Variants in ALLC observed in about 807,000 individuals in gnomAD.
ALLC encodes allantoicase, also known as probable inactive allantoicase.
In ALLC, 40 loss-of-function variants were observed where a neutral mutation model predicts 45.0. That is an observed-to-expected ratio of 0.89 (90% CI 0.69 to 1.16). The LOEUF (loss-of-function observed/expected upper bound fraction) is 1.16. Among genes scored for constraint, ALLC ranks in the 50% most tolerant of loss-of-function variants. ALLC has a pLI of 0.00. For missense variants in ALLC, 488 were observed against 493.1 expected (o/e 0.99, Z 0.10); for synonymous variants, 176 against 178.1 (o/e 0.99, Z 0.09).
the ALLC span, among the ~76,000 whole-genome samples, chr2:3,652,876 C>A: frequency 6.6e-6 from 1 of 152,164 alleles, no homozygotes; most frequent in African/African-American, 2.4e-5. Context: ...GCCACCACGC[C>A]TGGCCAAAAC....
At chr2:3,646,624 C>T in the ALLC span, among the ~76,000 whole-genome samples, 71 of 152,314 alleles carry the variant, frequency 4.7e-4, no homozygotes, top group East Asian at 0.011. Context: ...GCCTCGCCTG[C>T]TGGAAGGGAG....
the ALLC span, among the ~76,000 whole-genome samples, chr2:3,650,824 A>G: frequency 6.6e-6 from 1 of 152,310 alleles, no homozygotes; most frequent in East Asian, 1.9e-4. Flanking sequence ...GGCACAGTGA[A>G]GGCGCACGGG....
At chr2:3,668,765 G>A (rs1050684244) in intron 1 of ALLC, among the ~76,000 whole-genome samples, 6 of 150,702 alleles carry the variant, frequency 4.0e-5, no homozygotes, top group Non-Finnish European at 7.4e-5. Flanking sequence ...TAGTAGAGAC[G>A]GGGTTTCTCT....
chr2:3,677,925 T>G (rs1372582196), intron 3 of ALLC, among the ~76,000 whole-genome samples: 2 of 152,222 alleles, frequency 1.3e-5, no homozygotes, highest in Non-Finnish European at 2.9e-5. Context: ...CGAGGATGCG[T>G]GTATCCTCCT....
At chr2:3,674,960 A>G (rs1320060280) in intron 3 of ALLC, among the ~76,000 whole-genome samples, 2 of 152,198 alleles carry the variant, frequency 1.3e-5, no homozygotes, top group Non-Finnish European at 2.9e-5. Context: ...CATCGTTTGC[A>G]CAAGTGGGCA....
intron 1 of ALLC, among the ~76,000 whole-genome samples, chr2:3,669,473 CAAAA>C (rs34182509): frequency 2.0e-5 from 3 of 151,076 alleles, no homozygotes; most frequent in Admixed American, 6.6e-5. Flanking sequence ...GACTCCGTCT[CAAAA>C]AAAACCCTCC....
intron 1 of ALLC, among the ~76,000 whole-genome samples, chr2:3,659,144 T>A (rs1356861358): frequency 1.3e-5 from 2 of 152,172 alleles, no homozygotes; most frequent in Non-Finnish European, 2.9e-5. Context: ...TTGACAGCGA[T>A]GACAAAGCCC....
intron 1 of ALLC, among the ~76,000 whole-genome samples, chr2:3,665,578 C>T (rs985953585): frequency 1.1e-4 from 17 of 152,154 alleles, no homozygotes; most frequent in African/African-American, 3.1e-4. Flanking sequence ...GTTTTCTCTT[C>T]CTGCGTTAGT....
rs1667531414 is a variant in ALLC at position 3,692,061 on chromosome 2, T to A, written c.512-3656T>A. Reference sequence around the variant, plus strand: ...GTTTCCTTAAAACTGCTATTTTGAATTATTGATCACAGAGTTCATATATCA... The same window carrying A: ...GTTTCCTTAAAACTGCTATTTTGAAATATTGATCACAGAGTTCATATATCA... On this transcript the variant is annotated intron_variant, in intron 7 of 11. Transcript: ENST00000252505. 1.3e-5 allele frequency among the ~76,000 whole-genome samples: 2 copies of A among 152,244 alleles called. 1 individual carries two copies. Among genetic ancestry groups the A allele is most frequent in the African/African-American group, 4.8e-5 (2 of 41,460 alleles).
Position 3,672,565 on chromosome 2 carries a change from G to A in ALLC, c.33+1375G>A, listed in dbSNP as rs376542747. ...GGAGGTCCTCTGGTTCTGGTTAGAT[G>A]GGAGGTCCCCTGGCTCTGGTTAGAT... is the stretch of plus-strand genomic sequence containing the variant. On this transcript the variant is annotated intron_variant, in intron 2 of 11. Coordinates refer to ENST00000252505, the MANE Select transcript of ALLC (RefSeq NM_018436.4). Among the ~76,000 whole-genome samples the A allele has an allele frequency of 6.8e-3, 598 of 88,142 alleles. 6 individuals carry two copies. Among genetic ancestry groups the A allele is most frequent in the East Asian group, 0.011 (30 of 2,638 alleles). The allele number at this position is 88,142 out of a possible 152,430, so 57.8% of individuals were successfully genotyped here.
intron 6 of ALLC, 87 bp from the exon 7 acceptor site, chr2:3,682,855 C>CAGATTTTGGATTTGGGA: frequency 7.1e-7 from 1 of 1,411,640 alleles, no homozygotes; most frequent in Non-Finnish European, 9.8e-7. Context: ...CAAAGTATCT[C>CAGATTTTGGATTTGGGA]CACACCTTAA....
At chr2:3,647,175 G>C in the ALLC span, among the ~76,000 whole-genome samples, 11 of 152,278 alleles carry the variant, frequency 7.2e-5, no homozygotes, top group South Asian at 2.3e-3. Flanking sequence ...CAGGGACCAT[G>C]TGAATGTAAT....
intron 1 of ALLC, among the ~76,000 whole-genome samples, chr2:3,665,805 T>C (rs981156842): frequency 6.6e-6 from 1 of 152,228 alleles, no homozygotes; most frequent in African/African-American, 2.4e-5. Flanking sequence ...GTAGAACTAT[T>C]TATATTCCTT....
At chr2:3,684,223 C>T (rs373888462) in intron 7 of ALLC, among the ~76,000 whole-genome samples, 2 of 152,182 alleles carry the variant, frequency 1.3e-5, no homozygotes, top group South Asian at 2.1e-4. Flanking sequence ...TAAAGGAGTG[C>T]TGATTTCTCC....
At chr2:3,682,229 C>A (rs1162247181) in intron 6 of ALLC, among the ~76,000 whole-genome samples, 1 of 152,172 alleles carries the variant, frequency 6.6e-6, no homozygotes, top group Non-Finnish European at 1.5e-5. Context: ...TTGAGAAGTG[C>A]TAACCTAGAG....
chr2:3,687,431 T>C (rs1162245197), intron 7 of ALLC, among the ~76,000 whole-genome samples: 1 of 151,028 alleles, frequency 6.6e-6, no homozygotes, highest in Non-Finnish European at 1.5e-5. Context: ...CTGGTTTTGG[T>C]ATCAGGGTAA....
intron 1 of ALLC, among the ~76,000 whole-genome samples, chr2:3,666,524 T>G (rs547943431): frequency 1.3e-4 from 20 of 152,326 alleles, no homozygotes; most frequent in African/African-American, 4.6e-4. Context: ...AGCCTCAGCA[T>G]CTACACCCTT....
At chr2:3,666,180 A>G (rs1666720189) in intron 1 of ALLC, among the ~76,000 whole-genome samples, 2 of 152,260 alleles carry the variant, frequency 1.3e-5, no homozygotes, top group South Asian at 4.1e-4. Context: ...GGCTTCTCCC[A>G]CCACAGGGGG....
chr2:3,695,985 T>C, intron 8 of ALLC, 113 bp downstream of exon 8: 1 of 1,108,724 alleles, frequency 9.0e-7, no homozygotes, highest in East Asian at 2.6e-5. Flanking sequence ...AGCACAGCAG[T>C]GGATGAGATT....
Sources: allele counts gnomAD v4.1 joint callset (sites outside exome capture counted in the v4.1 genomes callset), GRCh38; gene constraint gnomAD v4.1.1; transcripts MANE v1.5; gene names NCBI Gene and HGNC (gene_info 2026-07-23, HGNC 2026-07-21).